The following DAB1 variants were observed in gnomAD, a reference collection of about 807,000 sequenced individuals.
DAB1 encodes DAB adaptor protein 1.
In DAB1, 15 loss-of-function variants were observed where a neutral mutation model predicts 64.6. The ratio of observed to expected loss-of-function variants is 0.23; its 90% confidence interval spans 0.16 to 0.36. The LOEUF is 0.36. DAB1 is among the 10% of genes least tolerant of loss of function. The probability of loss-of-function intolerance (pLI) is 1.00; values close to 1 mark genes in which losing one functional copy is unlikely to be tolerated. For synonymous variants in DAB1, 235 were observed against 251.9 expected (o/e 0.93, Z 0.64); for missense variants, 596 against 706.7 (o/e 0.84, Z 1.78).
intron 7 of DAB1, among the ~76,000 whole-genome samples, chr1:57,591,945 A>T (rs776461338): frequency 6.6e-6 from 1 of 152,186 alleles, no homozygotes; most frequent in Admixed American, 6.5e-5. Context: ...TTGCGCAAGG[A>T]TCCTTAGCTA....
chr1:57,196,296 T>C (rs1364934906), intron 2 of DAB1, among the ~76,000 whole-genome samples: 1 of 152,234 alleles, frequency 6.6e-6, no homozygotes, highest in African/African-American at 2.4e-5. Context: ...GCCAGTTTTA[T>C]CTACGTTAGC....
intron 3 of DAB1, among the ~76,000 whole-genome samples, chr1:58,485,735 T>C (rs1235531691): frequency 6.6e-6 from 1 of 152,170 alleles, no homozygotes; most frequent in African/African-American, 2.4e-5. Flanking sequence ...TTTCCTACCA[T>C]ATAGCTAGAA....
At chr1:58,391,802 C>G (rs1187143347) in intron 3 of DAB1, among the ~76,000 whole-genome samples, 1 of 152,196 alleles carries the variant, frequency 6.6e-6, no homozygotes, top group East Asian at 1.9e-4. Flanking sequence ...AGAATGTCCC[C>G]CCATCCCACA....
chr1:57,333,806 A>C (rs950413760), intron 1 of DAB1, among the ~76,000 whole-genome samples: 1 of 152,204 alleles, frequency 6.6e-6, no homozygotes, highest in Non-Finnish European at 1.5e-5. Context: ...GTTTGTTCTT[A>C]TTATAATCTG....
chr1:57,812,103 G>T (rs1162358926), intron 6 of DAB1, among the ~76,000 whole-genome samples: 1 of 152,030 alleles, frequency 6.6e-6, no homozygotes, highest in Non-Finnish European at 1.5e-5. Flanking sequence ...AAGGTATCCT[G>T]CTCTTAGTTT....
intron 7 of DAB1, among the ~76,000 whole-genome samples, chr1:57,448,210 G>A (rs905420794): frequency 2.0e-5 from 3 of 152,160 alleles, no homozygotes; most frequent in African/African-American, 7.2e-5. Flanking sequence ...TGTAGAAATA[G>A]CACGCTATAT....
At chr1:58,258,837 C>T (rs1338220910) in intron 4 of DAB1, among the ~76,000 whole-genome samples, 10 of 152,114 alleles carry the variant, frequency 6.6e-5, no homozygotes, top group South Asian at 2.1e-4. Context: ...GGGATCTGGC[C>T]ATCTAGGCAA....
At chr1:58,048,703 A>T in intron 5 of DAB1, 1 of 1,325,856 alleles carries the variant, frequency 7.5e-7, no homozygotes, top group South Asian at 1.2e-5. Flanking sequence ...TTCCAGAACC[A>T]CTTCACCTCT....
chr1:57,739,643 G>C (rs1335318091), intron 6 of DAB1, among the ~76,000 whole-genome samples: 1 of 150,856 alleles, frequency 6.6e-6, no homozygotes, highest in Non-Finnish European at 1.5e-5. Context: ...AGTAGAGACA[G>C]GGTTTCGCCA....
chr1:57,513,882 A>T (rs1034281508), intron 7 of DAB1, among the ~76,000 whole-genome samples: 4 of 151,762 alleles, frequency 2.6e-5, no homozygotes, highest in African/African-American at 9.7e-5. Context: ...GGTGACCACC[A>T]TTTCACTCTC....
intron 2 of DAB1, among the ~76,000 whole-genome samples, chr1:58,516,333 A>T (rs12133823): frequency 6.6e-6 from 1 of 152,162 alleles, no homozygotes; most frequent in African/African-American, 2.4e-5. Flanking sequence ...ATTTTTAAAA[A>T]GTCATTTCTA....
chr1:57,538,578 G>A (rs192390131), intron 7 of DAB1, among the ~76,000 whole-genome samples: 4 of 152,314 alleles, frequency 2.6e-5, no homozygotes, highest in East Asian at 1.9e-4. Context: ...GGAGATGGAC[G>A]CTTGGAGCTG....
chr1:57,641,490 T>A (rs1043198983), intron 7 of DAB1, among the ~76,000 whole-genome samples: 57 of 148,830 alleles, frequency 3.8e-4, no homozygotes, highest in African/African-American at 1.3e-3. Context: ...TTTACGCCAT[T>A]CTCCTGCCTC....
At chr1:57,381,624 G>A (rs1304200372) in intron 1 of DAB1, among the ~76,000 whole-genome samples, 1 of 152,092 alleles carries the variant, frequency 6.6e-6, no homozygotes, top group Non-Finnish European at 1.5e-5. Flanking sequence ...GAAATTTGTT[G>A]TGAGGAAACC....
intron 7 of DAB1, among the ~76,000 whole-genome samples, chr1:57,595,104 T>A (rs1645491258): frequency 6.6e-6 from 1 of 152,120 alleles, no homozygotes; most frequent in Non-Finnish European, 1.5e-5. Context: ...CCACTTCCAT[T>A]AAGTAAATAC....
intron 5 of DAB1, among the ~76,000 whole-genome samples, chr1:57,924,626 ATTTT>A (rs34750244): frequency 0.012 from 1,619 of 131,756 alleles, 38 homozygotes; most frequent in African/African-American, 0.044. Flanking sequence ...CACTTGGCTA[ATTTT>A]TTTTTTTTTT....
At chr1:57,838,829 T>C (rs1569820952) in intron 1 of DAB1, among the ~76,000 whole-genome samples, 2 of 150,940 alleles carry the variant, frequency 1.3e-5, no homozygotes. Flanking sequence ...CAGGCTAGAG[T>C]GCAGTGGCAC....
chr1:57,797,370 A>C (rs1173111049), intron 6 of DAB1, among the ~76,000 whole-genome samples: 1 of 152,238 alleles, frequency 6.6e-6, no homozygotes, highest in Non-Finnish European at 1.5e-5. Context: ...ACTCCAGTTT[A>C]CAAGCCTATT....
intron 4 of DAB1, among the ~76,000 whole-genome samples, chr1:58,252,800 C>T (rs1660834484): frequency 6.6e-6 from 1 of 152,186 alleles, no homozygotes; most frequent in Admixed American, 6.5e-5. Flanking sequence ...TCAAATGACC[C>T]CAACCCTAAT....
Sources: allele counts gnomAD v4.1 joint callset (sites outside exome capture counted in the v4.1 genomes callset), GRCh38; gene constraint gnomAD v4.1.1; transcripts MANE v1.5; gene names NCBI Gene and HGNC (gene_info 2026-07-23, HGNC 2026-07-21).